The following FIG4 variants were observed in gnomAD, a reference collection of about 807,000 sequenced individuals.
FIG4 encodes polyphosphoinositide phosphatase.
In FIG4, 112 loss-of-function variants were observed where a neutral mutation model predicts 118.6. The observed-to-expected ratio is 0.94, with a 90% CI of 0.81 to 1.11. The LOEUF (loss-of-function observed/expected upper bound fraction) is 1.11, where lower values mean the gene tolerates loss of function less well. Ranked by LOEUF, FIG4 falls within the 50% of genes least tolerant of loss-of-function variation. The pLI is 0.00. For synonymous variants in FIG4, 369 were observed against 381.2 expected (o/e 0.97, Z 0.37); for missense variants, 969 against 1,111.7 (o/e 0.87, Z 1.83).
chr6:109,786,042 C>G lies in FIG4; in HGVS notation c.1949-260C>G, dbSNP rs1459813047. On this transcript the variant is annotated intron_variant, in intron 17 of 22. Coordinates refer to ENST00000230124, the MANE Select transcript of FIG4 (RefSeq NM_014845.6). ...AATTTAAAGAACCTCCTCTAAATAACTGCCTGCTCCCATTGGACTTCCTGA... is the reference window on the plus strand; with the variant it reads ...AATTTAAAGAACCTCCTCTAAATAAGTGCCTGCTCCCATTGGACTTCCTGA... 7 of 491,926 alleles carry G rather than the reference C, an allele frequency of 1.4e-5. No individual in the cohort carries two copies. The East Asian group carries it at 2.2e-4, about 15-fold the overall frequency. 30.5% of individuals were successfully genotyped at this position (491,926 alleles called of 1,614,324 possible). A position where few individuals can be genotyped will look rare whatever the true frequency, so the allele number is the denominator to read the frequency against.
At chr6:109,718,298 A>G (rs1260926001) in intron 3 of FIG4, among the ~76,000 whole-genome samples, 2 of 152,200 alleles carry the variant, frequency 1.3e-5, no homozygotes, top group African/African-American at 2.4e-5. Context: ...ACCAGGCCCC[A>G]TCTCCAACAA....
At chr6:109,737,148 T>G (rs1583665302) in intron 6 of FIG4, among the ~76,000 whole-genome samples, 1 of 152,296 alleles carries the variant, frequency 6.6e-6, no homozygotes, top group East Asian at 1.9e-4. Flanking sequence ...TTTCTGGTGA[T>G]TAGCCTGCAT....
intron 22 of FIG4, among the ~76,000 whole-genome samples, chr6:109,805,996 C>CA (rs1314067495): frequency 2.0e-5 from 3 of 151,810 alleles, no homozygotes; most frequent in African/African-American, 7.3e-5. Flanking sequence ...TAGAAAAAAA[C>CA]AAAAAATGTA....
chr6:109,780,459 C>T (rs1777768197), intron 16 of FIG4, among the ~76,000 whole-genome samples: 1 of 152,126 alleles, frequency 6.6e-6, no homozygotes, highest in African/African-American at 2.4e-5. Context: ...GCAGTCTGCC[C>T]ATTTTGGCTC....
chr6:109,711,683 G>C (rs1269148818), intron 1 of FIG4, among the ~76,000 whole-genome samples: 1 of 152,030 alleles, frequency 6.6e-6, no homozygotes, highest in East Asian at 1.9e-4. Flanking sequence ...TGGGTCTGTT[G>C]AAGACAGCAT....
intron 22 of FIG4, among the ~76,000 whole-genome samples, chr6:109,822,234 G>A (rs1779025177): frequency 6.6e-6 from 1 of 152,098 alleles, no homozygotes; most frequent in African/African-American, 2.4e-5. Context: ...GATTGTGATG[G>A]GGTTGGGGCA....
chr6:109,764,892 A>C (rs1777232419), intron 13 of FIG4, 121 bp from the exon 14 acceptor site: 9 of 673,422 alleles, frequency 1.3e-5, no homozygotes, highest in Non-Finnish European at 2.3e-5. Context: ...CTGCCCACAG[A>C]CTTTTTTTGT....
chr6:109,769,639 C>G lies in FIG4; in HGVS notation c.1750+2744C>G, dbSNP rs376559953. Reference sequence around the variant, plus strand: ...AAACTAGATTAAAAAAAAAAAAAAGCGCTGGGCACAGTGGCTCACACTTGT... The same window carrying G: ...AAACTAGATTAAAAAAAAAAAAAAGGGCTGGGCACAGTGGCTCACACTTGT... On this transcript the variant is annotated intron_variant, in intron 15 of 22. Coordinates refer to ENST00000230124, the MANE Select transcript of FIG4 (RefSeq NM_014845.6). Among the ~76,000 whole-genome samples the G allele has an allele frequency of 5.0e-4, 74 of 149,430 alleles. 2 individuals are homozygous for G. In the South Asian group the frequency reaches 0.015, roughly 29 times the overall value.
intron 10 of FIG4, among the ~76,000 whole-genome samples, chr6:109,756,445 G>A (rs2128390057): frequency 6.6e-6 from 1 of 151,886 alleles, no homozygotes; most frequent in Non-Finnish European, 1.5e-5. Flanking sequence ...GAGTATCTTT[G>A]TGGTGTTCTC....
intron 1 of FIG4, among the ~76,000 whole-genome samples, chr6:109,707,040 C>T (rs769243246): frequency 1.4e-4 from 21 of 152,100 alleles, no homozygotes; most frequent in Non-Finnish European, 1.5e-5. Flanking sequence ...CCCAGTACAT[C>T]GAATCCTGTC....
intron 22 of FIG4, among the ~76,000 whole-genome samples, chr6:109,822,787 GTATATATATATATATATATA>G (rs10523453): frequency 0.028 from 3,398 of 120,442 alleles, 189 homozygotes; most frequent in African/African-American, 0.1. Flanking sequence ...GTGTGTGTAT[GTATATATATATATATATATA>G]TATATATATA....
At chr6:109,719,490 C>T (rs1469952483) in intron 3 of FIG4, among the ~76,000 whole-genome samples, 1 of 151,850 alleles carries the variant, frequency 6.6e-6, no homozygotes, top group Non-Finnish European at 1.5e-5. Context: ...CTCAAATGAT[C>T]TACCTGCCTC....
intron 1 of FIG4, among the ~76,000 whole-genome samples, chr6:109,704,606 G>A (rs542486771): frequency 7.4e-5 from 11 of 149,230 alleles, no homozygotes; most frequent in Non-Finnish European, 1.0e-4. Context: ...AAGCCAGGAC[G>A]CAGAGGTTCT....
At chr6:109,738,187 T>G (rs1776215941) in intron 6 of FIG4, 138 bp from the exon 7 acceptor site, 2 of 725,578 alleles carry the variant, frequency 2.8e-6, no homozygotes, top group Admixed American at 4.4e-5. Context: ...CATGTTACTT[T>G]GAAGTTAAAA....
intron 12 of FIG4, 30 bp downstream of exon 12, chr6:109,762,237 AATG>A: frequency 7.4e-7 from 1 of 1,355,614 alleles, no homozygotes; most frequent in South Asian, 1.2e-5. Flanking sequence ...ACTTATAATA[AATG>A]ATGATTTTTG....
intron 3 of FIG4, among the ~76,000 whole-genome samples, chr6:109,720,294 T>C (rs923973990): frequency 1.3e-5 from 2 of 152,252 alleles, no homozygotes; most frequent in African/African-American, 2.4e-5. Flanking sequence ...TAACACAAAA[T>C]ACTTATCTTT....
chr6:109,753,716 G>T (rs1776787094), intron 10 of FIG4, among the ~76,000 whole-genome samples: 1 of 152,030 alleles, frequency 6.6e-6, no homozygotes, highest in South Asian at 2.1e-4. Flanking sequence ...TTGTGAATGG[G>T]AGTTCACTCA....
intron 6 of FIG4, among the ~76,000 whole-genome samples, chr6:109,737,193 G>A (rs753462815): frequency 9.2e-5 from 14 of 152,164 alleles, no homozygotes; most frequent in Non-Finnish European, 1.9e-4. Flanking sequence ...TTCTCTTATC[G>A]CACAGGGGTA....
At chr6:109,781,585 C>T (rs1777804448) in intron 16 of FIG4, among the ~76,000 whole-genome samples, 1 of 151,726 alleles carries the variant, frequency 6.6e-6, no homozygotes, top group South Asian at 2.1e-4. Context: ...CCATCCTCAG[C>T]ATTGCCATCA....
Sources: gnomAD v4.1 joint callset for allele counts (sites outside exome capture counted in the v4.1 genomes callset) on GRCh38, gnomAD v4.1.1 for gene constraint, MANE v1.5 for transcripts, NCBI Gene and HGNC (gene_info 2026-07-23, HGNC 2026-07-21) for gene names.